The following TMEM181 variants were observed in gnomAD, a reference collection of about 807,000 sequenced individuals.
TMEM181 encodes G protein-coupled receptor 178.
In TMEM181, 39 loss-of-function variants were observed where a neutral mutation model predicts 71.9. That is an observed-to-expected ratio of 0.54 (90% CI 0.42 to 0.71). The LOEUF (loss-of-function observed/expected upper bound fraction) is 0.71, where lower values mean the gene tolerates loss of function less well. TMEM181 is among the 30% of genes least tolerant of loss of function. The pLI is 0.00. For synonymous variants in TMEM181, 245 were observed against 228.8 expected (o/e 1.07, Z -0.64); for missense variants, 595 against 583.0 (o/e 1.02, Z -0.21).
chr6:158,577,704 C>T (rs1783242491), intron 2 of TMEM181, among the ~76,000 whole-genome samples: 1 of 152,192 alleles, frequency 6.6e-6, no homozygotes, highest in Non-Finnish European at 1.5e-5. Context: ...TGACTCATCA[C>T]ATACAAGGGA....
chr6:158,581,659 G>A (rs541387274), intron 3 of TMEM181, among the ~76,000 whole-genome samples: 1 of 148,892 alleles, frequency 6.7e-6, no homozygotes, highest in East Asian at 2.0e-4. Flanking sequence ...GGAGGCTGAA[G>A]CAGGAGAATG....
intron 10 of TMEM181, chr6:158,621,549 C>A: frequency 5.6e-6 from 1 of 179,676 alleles, no homozygotes; most frequent in Non-Finnish European, 1.3e-5. Flanking sequence ...GGCCACATCA[C>A]CGGACTCCCG....
chr6:158,607,111 A>T (rs1784997352), intron 7 of TMEM181, 133 bp from the exon 8 acceptor site: 1 of 703,480 alleles, frequency 1.4e-6, no homozygotes, highest in Non-Finnish European at 2.6e-6. Flanking sequence ...CCAGGGCTTA[A>T]GGCAGCGACT....
At chr6:158,625,514 C>T (rs561337004) in intron 12 of TMEM181, among the ~76,000 whole-genome samples, 189 bp from the exon 13 acceptor site, 1 of 152,308 alleles carries the variant, frequency 6.6e-6, no homozygotes, top group Admixed American at 6.5e-5. Context: ...GTGGCTGTGG[C>T]CTCCCTGGAC....
At chr6:158,547,713 C>T (rs1426792106) in intron 1 of TMEM181, among the ~76,000 whole-genome samples, 1 of 151,914 alleles carries the variant, frequency 6.6e-6, no homozygotes, top group Admixed American at 6.6e-5. Flanking sequence ...GACAGGCCCC[C>T]CAGGCCCCCT....
chr6:158,611,771 GGTTT>G, intron 10 of TMEM181: 1 of 221,518 alleles, frequency 4.5e-6, no homozygotes, highest in Non-Finnish European at 9.0e-6. Context: ...GTCAAAGACA[GGTTT>G]GTTTTGGACA....
At chr6:158,630,239 T>C (rs1264234868) in intron 15 of TMEM181, among the ~76,000 whole-genome samples, 2 of 152,196 alleles carry the variant, frequency 1.3e-5, no homozygotes, top group Non-Finnish European at 2.9e-5. Context: ...TTTGATCCTT[T>C]GATCCCAGCA....
intron 1 of TMEM181, among the ~76,000 whole-genome samples, chr6:158,571,982 C>A (rs545039271): frequency 5.3e-5 from 8 of 152,234 alleles, no homozygotes; most frequent in Non-Finnish European, 1.2e-4. Flanking sequence ...TCTCTTGTCT[C>A]ATGTTTGTGG....
intron 1 of TMEM181, among the ~76,000 whole-genome samples, chr6:158,547,130 G>A (rs566858554): frequency 2.0e-5 from 3 of 152,180 alleles, no homozygotes; most frequent in Non-Finnish European, 2.9e-5. Flanking sequence ...AAAAACACAG[G>A]AATTAGCTGG....
At position 158,629,934 on chromosome 6, in the gene TMEM181, C is replaced by G. The variant is rs1786568196; in HGVS notation, c.1282+115C>G. 3.5e-6 allele frequency: 3 copies of G among 858,498 alleles called. No homozygotes were observed. The Admixed American group carries it at 5.9e-5, about 17-fold the overall frequency. The allele number at this position is 858,498 out of a possible 1,614,324, so 53.2% of individuals were successfully genotyped here. ...ATGTGGGCGCTGTGATTCCCAGTGA[C>G]TTCTCTTGGCAGAGAGAGAGTGAGT... On this transcript the variant is annotated intron_variant, in intron 15 of 16. Coordinates refer to ENST00000684151, the MANE Select transcript of TMEM181 (RefSeq NM_001376852.1).
chr6:158,596,313 G>T (rs6927302), intron 6 of TMEM181, among the ~76,000 whole-genome samples: 43,821 of 152,104 alleles, frequency 0.29, 6,783 homozygotes, highest in East Asian at 0.61. Flanking sequence ...CTGTACGGCC[G>T]CACGTTTCTT....
intron 6 of TMEM181, among the ~76,000 whole-genome samples, chr6:158,602,053 A>G (rs892079162): frequency 2.6e-5 from 4 of 152,146 alleles, no homozygotes; most frequent in East Asian, 1.9e-4. Context: ...CTCACCAGCC[A>G]TCACCCCTAA....
In TMEM181 at chr6:158,549,191, C is replaced by T. The variant is rs529512124; in HGVS notation, c.131+12326C>T. ...GGAGCCCAGTGGCGCGATCACGGCT[C>T]ACTGCAACCTCCGCCTCCCGGGTTC... On this transcript the variant is annotated intron_variant, in intron 1 of 16. Coordinates refer to the TMEM181 transcript ENST00000367090. 2.7e-5 allele frequency among the ~76,000 whole-genome samples: 4 copies of T among 148,968 alleles called. No homozygotes were observed. In the South Asian group the frequency reaches 8.5e-4, roughly 32 times the overall value.
chr6:158,583,338 C>CT (rs1783582014), intron 3 of TMEM181, among the ~76,000 whole-genome samples: 1 of 152,132 alleles, frequency 6.6e-6, no homozygotes. Context: ...TCATTTTATT[C>CT]TTTTTCCAAG....
chr6:158,604,999 A>G (rs867570168), intron 6 of TMEM181, among the ~76,000 whole-genome samples: 52 of 152,018 alleles, frequency 3.4e-4, no homozygotes, highest in Admixed American at 8.5e-4. Flanking sequence ...CTGTAATCCC[A>G]GCTACTCAGG....
chr6:158,611,444 CCTTTTCTGGACCTTGTTGGGTT>C, intron 10 of TMEM181: 1 of 539,404 alleles, frequency 1.9e-6, no homozygotes, highest in South Asian at 1.4e-5. Context: ...TATCCGTCTT[CCTTTTCTGGACCTTGTTGGGTT>C]CCTCAGTCGT....
At chr6:158,548,996 C>T (rs1167857896) in intron 1 of TMEM181, among the ~76,000 whole-genome samples, 1 of 152,028 alleles carries the variant, frequency 6.6e-6, no homozygotes, top group Non-Finnish European at 1.5e-5. Context: ...GGGGCCTGCT[C>T]TACTCACCAG....
intron 6 of TMEM181, among the ~76,000 whole-genome samples, chr6:158,596,719 TC>T (rs1356585717): frequency 2.0e-5 from 3 of 151,484 alleles, no homozygotes; most frequent in Non-Finnish European, 4.4e-5. Context: ...GCTGGGGAGG[TC>T]TCAGAATCAT....
intron 1 of TMEM181, among the ~76,000 whole-genome samples, chr6:158,565,821 A>G (rs1265786365): frequency 6.6e-6 from 1 of 151,930 alleles, no homozygotes; most frequent in Non-Finnish European, 1.5e-5. Flanking sequence ...GGGCGAGTGG[A>G]CAGTTGCTTT....
Sources: allele counts gnomAD v4.1 joint callset (sites outside exome capture counted in the v4.1 genomes callset), GRCh38; gene constraint gnomAD v4.1.1; transcripts MANE v1.5; gene names NCBI Gene and HGNC (gene_info 2026-07-23, HGNC 2026-07-21).